The following ARMH3 variants were observed in gnomAD, a reference collection of about 807,000 sequenced individuals.
ARMH3 encodes armadillo like helical domain containing 3.
In ARMH3, 60 loss-of-function variants were observed where a neutral mutation model predicts 99.1. The ratio of observed to expected loss-of-function variants is 0.61; its 90% CI spans 0.49 to 0.75. The LOEUF (loss-of-function observed/expected upper bound fraction) is 0.75, where lower values mean the gene tolerates loss of function less well. Among genes scored for constraint, ARMH3 ranks in the 30% least tolerant of loss-of-function variants. ARMH3 has a pLI of 0.00. For synonymous variants in ARMH3, 285 were observed against 292.8 expected (o/e 0.97, Z 0.27); for missense variants, 679 against 843.1 (o/e 0.81, Z 2.41).
At chr10:101,969,466 T>C (rs1390699651) in intron 20 of ARMH3, among the ~76,000 whole-genome samples, 2 of 152,182 alleles carry the variant, frequency 1.3e-5, no homozygotes, top group African/African-American at 2.4e-5. Flanking sequence ...ATTTCAGTCC[T>C]GTATGGCAAC....
chr10:102,030,562 T>C (rs1293329394), intron 4 of ARMH3, among the ~76,000 whole-genome samples: 1 of 151,730 alleles, frequency 6.6e-6, no homozygotes, highest in Non-Finnish European at 1.5e-5. Flanking sequence ...TACAAAAAAT[T>C]AGCCAAGTGT....
chr10:101,863,767 T>C (rs2066925731), intron 24 of ARMH3, among the ~76,000 whole-genome samples: 1 of 150,768 alleles, frequency 6.6e-6, no homozygotes, highest in African/African-American at 2.4e-5. Flanking sequence ...TCTTAAAAAA[T>C]AAAATAAAAT....
chr10:101,931,470 A>C (rs1376973091), intron 23 of ARMH3, among the ~76,000 whole-genome samples: 1 of 151,518 alleles, frequency 6.6e-6, no homozygotes, highest in Non-Finnish European at 1.5e-5. Context: ...GGTTGCAGTG[A>C]GCTAAGACTG....
intron 9 of ARMH3, 62 bp from the exon 10 acceptor site, chr10:102,012,938 G>A: frequency 7.0e-7 from 1 of 1,426,358 alleles, no homozygotes; most frequent in Non-Finnish European, 9.7e-7. Context: ...TGGTGATGAT[G>A]CTAGAACAAG....
At position 101,847,908 on chromosome 10, in the gene ARMH3, G is replaced by A. The variant is rs181633245; in HGVS notation, c.1978-288C>T. Among the ~76,000 whole-genome samples the A allele has an allele frequency of 1.7e-3, 260 of 152,320 alleles. 1 individual carries two copies. The highest frequency in any genetic ancestry group is 3.1e-3 in the South Asian group (15 of 4,824). ...CAGGCACAGACAAGAAAGGAGGGCT[G>A]AGGCTGACATCTGTCTCTGCTTTGG... On this transcript the variant is annotated intron_variant, in intron 25 of 25. Coordinates refer to ENST00000370033, the MANE Select transcript of ARMH3 (RefSeq NM_024541.3).
chr10:102,017,969 T>A (rs2066786865), intron 8 of ARMH3, among the ~76,000 whole-genome samples: 1 of 152,138 alleles, frequency 6.6e-6, no homozygotes, highest in South Asian at 2.1e-4. Context: ...CTAGGACTCA[T>A]ATCAAAAATC....
At chr10:101,982,419 C>A (rs1846277155) in intron 19 of ARMH3, among the ~76,000 whole-genome samples, 1 of 152,070 alleles carries the variant, frequency 6.6e-6, no homozygotes, top group South Asian at 2.1e-4. Context: ...ACAAACCGTA[C>A]AGAAAAATAA....
intron 11 of ARMH3, 106 bp downstream of exon 11, chr10:102,011,617 T>C (rs1291019824): frequency 8.1e-6 from 7 of 867,712 alleles, no homozygotes; most frequent in Non-Finnish European, 1.3e-5. Context: ...TCTCTTGTCA[T>C]CATGCCATCA....
chr10:102,001,829 C>G, intron 15 of ARMH3, 142 bp downstream of exon 15: 1 of 716,004 alleles, frequency 1.4e-6, no homozygotes, highest in Non-Finnish European at 2.3e-6. Context: ...TGAGACATCA[C>G]TATTTTCCAG....
At chr10:101,998,731 G>T (rs981833538) in intron 15 of ARMH3, among the ~76,000 whole-genome samples, 3 of 152,094 alleles carry the variant, frequency 2.0e-5, no homozygotes, top group African/African-American at 4.8e-5. Context: ...TTGCCTTTCA[G>T]CTCCATTCTT....
rs573340738 is a variant in ARMH3 at position 101,846,060 on chromosome 10, A to G, written c.*1468T>C. On this transcript the variant is annotated 3_prime_UTR_variant, in exon 26 of 26. Transcript: ENST00000370033. ...TGTTGGGAAAGCCTATAGTGGTTCC[A>G]TGGAGGCTATCCAAGGGAGGAACCA... 5 of 152,324 alleles carry G rather than the reference A, an allele frequency of 3.3e-5. No individual in the cohort carries two copies. The South Asian group carries it at 1.0e-3, about 32-fold the overall frequency. 9.4% of individuals were successfully genotyped at this position (152,324 alleles called of 1,614,324 possible).
intron 18 of ARMH3, 37 bp from the exon 19 acceptor site, chr10:101,990,648 A>G: frequency 1.3e-6 from 2 of 1,510,828 alleles, no homozygotes; most frequent in Non-Finnish European, 1.8e-6. Context: ...ATCAATTACA[A>G]TGGAATTCAT....
rs569091785 is a variant in ARMH3, at chr10:102,026,495, G to A, written c.415-1247C>T. Reference sequence around the variant, plus strand: ...TCACCTATTCCAAGACCCCTCAGGAGTGAGTTATATTTTGAAAATTCAATA... The same window carrying A: ...TCACCTATTCCAAGACCCCTCAGGAATGAGTTATATTTTGAAAATTCAATA... On this transcript the variant is annotated intron_variant, in intron 5 of 25. Transcript: ENST00000370033. 3.6e-4 allele frequency among the ~76,000 whole-genome samples: 55 copies of A among 152,270 alleles called. 1 individual carries two copies. The highest frequency in any genetic ancestry group is 1.3e-3 in the African/African-American group (55 of 41,532).
At chr10:101,893,788 A>G (rs189146185) in intron 23 of ARMH3, among the ~76,000 whole-genome samples, 195 of 152,184 alleles carry the variant, frequency 1.3e-3, no homozygotes, top group Non-Finnish European at 8.5e-4. Context: ...CCTAGAAGGC[A>G]TTACCTTCAA....
At chr10:101,853,354 C>T (rs932431655) in intron 24 of ARMH3, among the ~76,000 whole-genome samples, 17 of 152,188 alleles carry the variant, frequency 1.1e-4, no homozygotes, top group African/African-American at 4.1e-4. Flanking sequence ...CCAACCCATC[C>T]AAGACTTCAG....
chr10:101,923,800 A>AC (rs1843395769), intron 23 of ARMH3, among the ~76,000 whole-genome samples: 2 of 152,114 alleles, frequency 1.3e-5, no homozygotes, highest in Admixed American at 6.5e-5. Context: ...GATTTAAACC[A>AC]CCCTATGAAG....
intron 23 of ARMH3, among the ~76,000 whole-genome samples, chr10:101,913,533 T>G (rs1842956966): frequency 6.6e-6 from 1 of 151,448 alleles, no homozygotes; most frequent in Non-Finnish European, 1.5e-5. Context: ...CCCAGCTACT[T>G]TTTTAAATGT....
intron 9 of ARMH3, 86 bp downstream of exon 9, chr10:102,013,882 G>T: frequency 1.8e-6 from 2 of 1,137,786 alleles, no homozygotes; most frequent in Non-Finnish European, 2.5e-6. Context: ...ATAGCTCTCT[G>T]CTCTCTGTTC....
At chr10:102,036,104 T>C (rs1475366983) in intron 2 of ARMH3, among the ~76,000 whole-genome samples, 97 of 118,438 alleles carry the variant, frequency 8.2e-4, no homozygotes, top group African/African-American at 2.3e-3. Context: ...CCACCCCGTC[T>C]GGGAGGGAGG....
Sources: gnomAD v4.1 joint callset for allele counts (sites outside exome capture counted in the v4.1 genomes callset) on GRCh38, gnomAD v4.1.1 for gene constraint, MANE v1.5 for transcripts, NCBI Gene and HGNC (gene_info 2026-07-23, HGNC 2026-07-21) for gene names.